The following TNNT3 variants were observed in gnomAD, a reference collection of about 807,000 sequenced individuals.
TNNT3 encodes the protein troponin T3, fast skeletal type.
In TNNT3, 36 loss-of-function variants were observed where a neutral mutation model predicts 54.2. The ratio of observed to expected loss-of-function variants is 0.66; its 90% CI spans 0.51 to 0.88. The LOEUF is 0.88. Ranked by LOEUF, TNNT3 falls within the 40% of genes least tolerant of loss-of-function variation. The pLI is 0.00. For missense variants in TNNT3, 291 were observed against 331.6 expected, an observed-to-expected ratio of 0.88 and a Z score of 0.95; for synonymous variants, 120 against 109.7, an observed-to-expected ratio of 1.09 and a Z score of -0.59.
chr11:1,933,075 A>G (rs1406156210), intron 9 of TNNT3, among the ~76,000 whole-genome samples: 1 of 142,724 alleles, frequency 7.0e-6, no homozygotes, highest in African/African-American at 2.7e-5. Context: ...CCATCGATCC[A>G]TCTATCATCC....
chr11:1,933,107 C>G (rs1046181466), intron 9 of TNNT3, among the ~76,000 whole-genome samples: 1 of 141,838 alleles, frequency 7.1e-6, no homozygotes. Context: ...TAACCATCCA[C>G]TCATCCACCC....
intron 8 of TNNT3, among the ~76,000 whole-genome samples, chr11:1,930,579 C>T (rs572336899): frequency 1.3e-5 from 2 of 152,196 alleles, no homozygotes; most frequent in Admixed American, 6.5e-5. Context: ...CCACAGCACT[C>T]GCTACGTGAT....
In TNNT3 at chr11:1,934,877, C is replaced by G. The variant is rs1345701605; in HGVS notation, c.639C>G (p.Asp213Glu). The G allele has an allele frequency of 6.2e-7, 1 of 1,613,672 alleles. No homozygotes were observed. Residue 213 changes from aspartate (D) to glutamate (E), a missense_variant, in exon 14 of 16, where the codon GAC (aspartate) becomes GAG (glutamate). Asp to Glu is a conservative substitution (Grantham distance 45, BLOSUM62 2). Transcript: ENST00000278317. ...AGACCCTGCACCAGCTGGAGATTGA[C>G]AAGTTCGAGTTTGGGGAGAAGCTGA... is the stretch of plus-strand genomic sequence containing the variant. ...LWETLHQLEI[D>E]KFEFGEKLKR...
At chr11:1,931,419 C>T (rs1360169044) in intron 8 of TNNT3, among the ~76,000 whole-genome samples, 3 of 152,246 alleles carry the variant, frequency 2.0e-5, no homozygotes, top group Non-Finnish European at 4.4e-5. Context: ...GGGTCTGTGT[C>T]CCACACCCTC....
chr11:1,936,319 T>C, intron 14 of TNNT3: 1 of 1,569,184 alleles, frequency 6.4e-7, no homozygotes, highest in African/African-American at 1.3e-5. Flanking sequence ...GGTGAACCTC[T>C]CGCATGGCAA....
At chr11:1,930,338 C>T (rs1853017073) in intron 8 of TNNT3, among the ~76,000 whole-genome samples, 1 of 152,122 alleles carries the variant, frequency 6.6e-6, no homozygotes, top group East Asian at 1.9e-4. Flanking sequence ...TGAAAAGCGA[C>T]AGGAAAGTGA....
chr11:1,920,856 C>T (rs1849943196), intron 1 of TNNT3, among the ~76,000 whole-genome samples: 1 of 152,212 alleles, frequency 6.6e-6, no homozygotes, highest in Non-Finnish European at 1.5e-5. Context: ...CAGCCCCTCC[C>T]CGCAACAGAG....
Position 1,929,750 on chromosome 11 carries a change from G to A in TNNT3, c.107-60G>A, listed in dbSNP as rs1852771904. ...CAGGCCGCCCAGTCTCACCCAGGCT[G>A]TCTCTCTCCCTCTCCCCACGCTGGT... On this transcript the variant is annotated intron_variant, in intron 7 of 15. Coordinates refer to ENST00000278317, the MANE Select transcript of TNNT3 (RefSeq NM_006757.4). The A allele has an allele frequency of 7.1e-5, 110 of 1,546,284 alleles. 1 individual carries two copies. The South Asian group carries it at 1.1e-3, about 16-fold the overall frequency.
Position 1,934,382 on chromosome 11 carries a change from C to G in TNNT3, c.417C>G (p.Asp139Glu). 6.2e-7 allele frequency: 1 copy of G among 1,613,920 alleles called. No individual in the cohort carries two copies. The highest frequency in any genetic ancestry group is 8.5e-7 in the Non-Finnish European group (1 of 1,180,034). Residue 139 changes from aspartate to glutamate, a missense_variant, in exon 12 of 16, where the codon GAC becomes GAG. Transcript: ENST00000278317. ...EEEDAKRRAE[D>E]DLKKKKALSS... ...AGGATGCCAAGAGGAGGGCAGAGGA[C>G]GACCTGAAGAAGAAGAAAGCTCTGT...
In TNNT3 at chr11:1,938,583, A is replaced by C; in HGVS notation, c.*91A>C. 4.4e-6 allele frequency: 6 copies of C among 1,349,164 alleles called. No homozygotes were observed. The highest frequency in any genetic ancestry group is 6.3e-6 in the Non-Finnish European group (6 of 955,236). The allele number at this position is 1,349,164 out of a possible 1,614,324, so 83.6% of individuals were successfully genotyped here. On this transcript the variant is annotated 3_prime_UTR_variant, in exon 16 of 16. Transcript: ENST00000278317. ...GACTCCACATCCTCCAGCCCCCACA[A>C]TCCTGTCAGGGGCTCCCTGACAGTC... is the stretch of plus-strand genomic sequence containing the variant.
At chr11:1,920,215 C>T (rs995227343) in intron 1 of TNNT3, among the ~76,000 whole-genome samples, 5 of 152,150 alleles carry the variant, frequency 3.3e-5, no homozygotes, top group Admixed American at 6.5e-5. Flanking sequence ...ATGCAGCTCT[C>T]GCACCTGGGC....
At chr11:1,933,129 C>A (rs1273946207) in intron 9 of TNNT3, among the ~76,000 whole-genome samples, 2 of 129,088 alleles carry the variant, frequency 1.5e-5, no homozygotes, top group Admixed American at 7.7e-5. Context: ...CCCACCCACC[C>A]ACCCATTCAC....
intron 9 of TNNT3, among the ~76,000 whole-genome samples, chr11:1,933,092 T>G (rs1412406116): frequency 7.5e-6 from 1 of 133,022 alleles, no homozygotes; most frequent in African/African-American, 2.9e-5. Context: ...ATCCACTCAC[T>G]CACATAACCA....
At chr11:1,932,646 A>G (rs1853738027) in intron 9 of TNNT3, 132 bp downstream of exon 9, 2 of 829,840 alleles carry the variant, frequency 2.4e-6, no homozygotes, top group East Asian at 2.6e-5. Context: ...CAATTCTACC[A>G]TAGCTTATTC....
chr11:1,936,570 T>G (rs1323134002), intron 14 of TNNT3, among the ~76,000 whole-genome samples: 2 of 152,174 alleles, frequency 1.3e-5, no homozygotes, highest in Non-Finnish European at 2.9e-5. Context: ...TTCGGAGCTC[T>G]GAGCTCAGCG....
intron 4 of TNNT3, among the ~76,000 whole-genome samples, chr11:1,923,867 G>A (rs867832480): frequency 3.0e-4 from 46 of 151,380 alleles, no homozygotes; most frequent in African/African-American, 9.8e-4. Context: ...TTCATCCTCC[G>A]TGTGCCATGG....
At chr11:1,933,041 C>T (rs568564893) in intron 9 of TNNT3, among the ~76,000 whole-genome samples, 3 of 151,656 alleles carry the variant, frequency 2.0e-5, no homozygotes, top group Non-Finnish European at 4.4e-5. Context: ...TCCATTCATA[C>T]CACTCATTCA....
chr11:1,937,008 G>A lies in TNNT3; in HGVS notation c.722+5G>A, dbSNP rs777205114. 4 of 1,599,086 alleles carry A rather than the reference G, an allele frequency of 2.5e-6. No homozygotes were observed. The Admixed American group carries it at 5.2e-5, about 21-fold the overall frequency. The stretch of plus-strand genomic sequence containing the variant: ...CATTGACCAGGCCCAGAAGCAGTGA[G>A]TAGCCCTGCCGTCCTCGCTCCGCAC... On this transcript the variant is annotated splice_donor_5th_base_variant and intron_variant, in intron 15 of 15. Transcript: ENST00000278317.
Position 1,933,992 on chromosome 11 carries a change from G to T in TNNT3, c.350G>T (p.Arg117Leu). The T allele has an allele frequency of 1.9e-6, 3 of 1,612,398 alleles. No individual in the cohort carries two copies. Among genetic ancestry groups the T allele is most frequent in the Middle Eastern group, 1.7e-4 (1 of 5,880 alleles). ...QRIRAEKERERQNRLAEEKAR... is the reference protein window; with the variant it reads ...QRIRAEKERELQNRLAEEKAR... Reference sequence around the variant, plus strand: ...ATTCGTGCAGAGAAGGAGAGGGAGCGCCAGAACAGACTGGCGGTGAGGGCA... The same window carrying T: ...ATTCGTGCAGAGAAGGAGAGGGAGCTCCAGAACAGACTGGCGGTGAGGGCA... Residue 117 changes from arginine to leucine, a missense_variant, in exon 11 of 16, where the codon CGC (arginine) becomes CTC (leucine). Transcript: ENST00000278317.
Sources: gnomAD v4.1 joint callset for allele counts (sites outside exome capture counted in the v4.1 genomes callset) on GRCh38, gnomAD v4.1.1 for gene constraint, MANE v1.5 for transcripts, NCBI Gene and HGNC (gene_info 2026-07-23, HGNC 2026-07-21) for gene names.